The following ARID1B variants were observed in gnomAD, a reference collection of about 807,000 sequenced individuals.
ARID1B encodes the protein AT-rich interactive domain-containing protein 1B.
Under a neutral mutation model 212.3 loss-of-function variants are expected in ARID1B, and 30 were observed. That is an observed-to-expected ratio of 0.14 (90% confidence interval 0.11 to 0.19). The LOEUF is 0.19. ARID1B is among the 10% of genes least tolerant of loss of function. The probability of loss-of-function intolerance (pLI) is 1.00; values close to 1 mark genes in which losing one functional copy is unlikely to be tolerated. For synonymous variants in ARID1B, 1,402 were observed against 1,301.7 expected, an observed-to-expected ratio of 1.08 and a Z score of -1.66; for missense variants, 2,891 against 3,204.0, an observed-to-expected ratio of 0.90 and a Z score of 2.36.
At chr6:157,072,444 G>A (rs776311165) in intron 4 of ARID1B, 1 of 152,140 alleles carries the variant, frequency 6.6e-6, no homozygotes, top group Non-Finnish European at 1.5e-5. Context: ...AAAAAGGCAC[G>A]TATATACAAG....
intron 12 of ARID1B, 99 bp downstream of exon 12, chr6:157,181,277 A>G: frequency 7.0e-7 from 1 of 1,425,030 alleles, no homozygotes; most frequent in South Asian, 1.3e-5. Flanking sequence ...TTTCTCACAA[A>G]GGAAAAGCTA....
intron 9 of ARID1B, chr6:157,169,844 C>G (rs1791590863): frequency 6.6e-6 from 1 of 152,184 alleles, no homozygotes; most frequent in Non-Finnish European, 1.5e-5. Context: ...CAGGAGCGGC[C>G]ATATGTGCTG....
At chr6:156,987,997 A>T (rs1441037091) in intron 4 of ARID1B, among the ~76,000 whole-genome samples, 2 of 152,228 alleles carry the variant, frequency 1.3e-5, no homozygotes, top group African/African-American at 4.8e-5. Flanking sequence ...ATAATGGAAT[A>T]TCGTGGAAAT....
At chr6:157,043,973 T>A (rs773863626) in intron 4 of ARID1B, among the ~76,000 whole-genome samples, 3 of 152,258 alleles carry the variant, frequency 2.0e-5, no homozygotes, top group Non-Finnish European at 4.4e-5. Flanking sequence ...ATATACGTGT[T>A]ATTTGTCAAG....
intron 8 of ARID1B, among the ~76,000 whole-genome samples, chr6:157,158,787 T>C (rs776104428): frequency 6.6e-6 from 1 of 152,218 alleles, no homozygotes; most frequent in Non-Finnish European, 1.5e-5. Context: ...TGAGAAGTAA[T>C]AGCCCTCCTT....
chr6:156,842,284 T>C (rs1477027373), intron 2 of ARID1B, among the ~76,000 whole-genome samples: 1 of 152,224 alleles, frequency 6.6e-6, no homozygotes. Flanking sequence ...GTTGTCCCTC[T>C]TCCCCCCAGG....
At chr6:156,997,656 CTTGTT>C (rs1253788649) in intron 4 of ARID1B, among the ~76,000 whole-genome samples, 1 of 143,246 alleles carries the variant, frequency 7.0e-6, no homozygotes, top group African/African-American at 2.8e-5. Flanking sequence ...TGCATTTTAA[CTTGTT>C]TTTTTTTTTT....
chr6:157,052,301 G>A (rs1237130688), intron 4 of ARID1B, among the ~76,000 whole-genome samples: 1 of 152,226 alleles, frequency 6.6e-6, no homozygotes, highest in Non-Finnish European at 1.5e-5. Flanking sequence ...GAATTGATCA[G>A]GGAATAGCTT....
At chr6:156,875,381 A>G (rs1030253444) in intron 2 of ARID1B, among the ~76,000 whole-genome samples, 5 of 152,240 alleles carry the variant, frequency 3.3e-5, no homozygotes, top group African/African-American at 9.6e-5. Context: ...AGTGACATCT[A>G]TATTTTCTTC....
chr6:156,995,973 A>G (rs1182444036), intron 4 of ARID1B, among the ~76,000 whole-genome samples: 1 of 152,198 alleles, frequency 6.6e-6, no homozygotes, highest in Non-Finnish European at 1.5e-5. Flanking sequence ...CCTGTGATAT[A>G]AGCTGCGGAA....
At chr6:157,189,841 G>C in intron 14 of ARID1B, 61 bp downstream of exon 14, 1 of 1,606,624 alleles carries the variant, frequency 6.2e-7, no homozygotes, top group Non-Finnish European at 8.5e-7. Flanking sequence ...TTAGTTTTCT[G>C]GGGCAAACTT....
intron 5 of ARID1B, among the ~76,000 whole-genome samples, chr6:157,106,401 A>G (rs1307472711): frequency 6.6e-6 from 1 of 152,124 alleles, no homozygotes; most frequent in East Asian, 1.9e-4. Context: ...GGAACAATCT[A>G]CTTCCAGTTT....
At chr6:156,780,537 CATCTA>C (rs1779182214) in intron 1 of ARID1B, 1 of 152,206 alleles carries the variant, frequency 6.6e-6, no homozygotes, top group Non-Finnish European at 1.5e-5. Flanking sequence ...TCTGAGTTGA[CATCTA>C]ATCTGCCATC....
intron 7 of ARID1B, among the ~76,000 whole-genome samples, chr6:157,142,142 CGTT>C (rs1045687020): frequency 1.3e-5 from 2 of 152,062 alleles, no homozygotes; most frequent in East Asian, 1.9e-4. Flanking sequence ...CTCCATGTGA[CGTT>C]GTAGAGAAAT....
chr6:156,907,291 G>A (rs1323125152), intron 3 of ARID1B, among the ~76,000 whole-genome samples: 1 of 151,988 alleles, frequency 6.6e-6, no homozygotes, highest in East Asian at 1.9e-4. Context: ...TTTCTAGTTT[G>A]CGAAGAGATT....
At chr6:156,999,502 G>T (rs1778792327) in intron 4 of ARID1B, among the ~76,000 whole-genome samples, 1 of 152,208 alleles carries the variant, frequency 6.6e-6, no homozygotes, top group Non-Finnish European at 1.5e-5. Context: ...AACAAGAGCT[G>T]CTGTCACATG....
At chr6:156,928,483 G>T (rs1003881801) in intron 3 of ARID1B, among the ~76,000 whole-genome samples, 2 of 152,138 alleles carry the variant, frequency 1.3e-5, no homozygotes, top group Non-Finnish European at 2.9e-5. Flanking sequence ...GGTCATTTGG[G>T]AGAGTCATTT....
chr6:157,166,625 C>G (rs1381316233), intron 8 of ARID1B: 1 of 153,818 alleles, frequency 6.5e-6, no homozygotes, highest in African/African-American at 2.4e-5. Flanking sequence ...AACATTCCCA[C>G]ACTGCCCATT....
At chr6:156,987,431 C>T (rs763327589) in intron 4 of ARID1B, among the ~76,000 whole-genome samples, 5 of 151,782 alleles carry the variant, frequency 3.3e-5, no homozygotes, top group Non-Finnish European at 5.9e-5. Context: ...CCCGGGTTCG[C>T]GCCATTCTCC....
Sources: gnomAD v4.1 joint callset for allele counts (sites outside exome capture counted in the v4.1 genomes callset) on GRCh38, gnomAD v4.1.1 for gene constraint, MANE v1.5 for transcripts, NCBI Gene and HGNC (gene_info 2026-07-23, HGNC 2026-07-21) for gene names.